SH3GLB2: variants seen among roughly 807,000 people sequenced by gnomAD.
The protein encoded by SH3GLB2 is SH3 domain containing GRB2 like, endophilin B2, also known as endophilin-B2.
A neutral mutation model predicts 48.0 loss-of-function variants in SH3GLB2; 24 were observed. The ratio of observed to expected loss-of-function variants is 0.50; its 90% CI spans 0.36 to 0.70. SH3GLB2 has a LOEUF of 0.70. Ranked by LOEUF, SH3GLB2 falls within the 30% of genes least tolerant of loss-of-function variation. The probability of loss-of-function intolerance (pLI) is 0.00; values close to 1 mark genes in which losing one functional copy is unlikely to be tolerated. For synonymous variants in SH3GLB2, 227 were observed against 207.6 expected, an observed-to-expected ratio of 1.09 and a Z score of -0.80; for missense variants, 425 against 516.0, an observed-to-expected ratio of 0.82 and a Z score of 1.71.
intron 5 of SH3GLB2, chr9:129,012,724 T>C: frequency 1.9e-6 from 1 of 532,572 alleles, no homozygotes; most frequent in South Asian, 2.8e-5. Context: ...ACCACATCTC[T>C]TGCTCCTGCA....
chr9:129,009,094 C>G lies in SH3GLB2; in HGVS notation c.1080+12G>C. On this transcript the variant is annotated intron_variant, in intron 10 of 10. Transcript: ENST00000372564. Reference sequence around the variant, plus strand: ...AGCCCATTCCTGCCCCACCTTGCGGCACCGGGCCCACCTCATCAGCCAGCA... The same window carrying G: ...AGCCCATTCCTGCCCCACCTTGCGGGACCGGGCCCACCTCATCAGCCAGCA... The G allele has an allele frequency of 6.2e-7, 1 of 1,606,138 alleles. No homozygotes were observed. The highest frequency in any genetic ancestry group is 1.3e-5 in the African/African-American group (1 of 75,062).
At chr9:129,021,796 TA>T in intron 2 of SH3GLB2, among the ~76,000 whole-genome samples, 1 of 151,830 alleles carries the variant, frequency 6.6e-6, no homozygotes, top group Non-Finnish European at 1.5e-5. Context: ...CCTTCTCTAC[TA>T]AAAATACAAA....
intron 3 of SH3GLB2, among the ~76,000 whole-genome samples, chr9:129,015,322 C>T (rs991397427): frequency 6.6e-6 from 1 of 152,080 alleles, no homozygotes; most frequent in Admixed American, 6.6e-5. Context: ...CATAGGGAGA[C>T]CTTATCTCTT....
intron 3 of SH3GLB2, among the ~76,000 whole-genome samples, chr9:129,017,098 C>G (rs1588322709): frequency 6.6e-6 from 1 of 151,852 alleles, no homozygotes; most frequent in Admixed American, 6.6e-5. Context: ...TAGGCGCGCA[C>G]CAGCATGCCC....
rs1843325303 is a variant in SH3GLB2 at position 129,014,734 on chromosome 9, T to C, written c.468+37A>G. The C allele has an allele frequency of 5.0e-6, 8 of 1,599,430 alleles. No homozygotes were observed. The highest frequency in any genetic ancestry group is 6.8e-6 in the Non-Finnish European group (8 of 1,173,568). On this transcript the variant is annotated intron_variant, in intron 4 of 10. Transcript: ENST00000372564. The surrounding 1 kb of genome is among the most constrained non-coding windows in gnomAD (Gnocchi z 4.1). Reference sequence around the variant, plus strand: ...AAAGGCTCTGAGGAGGGAACTGCCATGGTTACCAGGAAGCGGAATAGTCCC... The same window carrying C: ...AAAGGCTCTGAGGAGGGAACTGCCACGGTTACCAGGAAGCGGAATAGTCCC...
In SH3GLB2 at chr9:129,022,418, C is replaced by G; in HGVS notation, c.69G>C (p.Thr23=). ...GIFFTRAVQF[T]EEKFGQAEKT... ...TCTCAGCCTGGCCAAATTTCTCCTCCGTGAACTACGCAGAGGGGAAGGCCA... is the reference window on the plus strand; with the variant it reads ...TCTCAGCCTGGCCAAATTTCTCCTCGGTGAACTACGCAGAGGGGAAGGCCA... Residue 23 remains threonine, a synonymous_variant, in exon 2 of 11, where the codon ACG becomes ACC. Transcript: ENST00000372564. 3 of 1,608,368 alleles carry G rather than the reference C, an allele frequency of 1.9e-6. No homozygotes were observed. The highest frequency in any genetic ancestry group is 2.5e-6 in the Non-Finnish European group (3 of 1,177,026).
At position 129,011,992 on chromosome 9, in the gene SH3GLB2, C is replaced by T. The variant is rs555460623; in HGVS notation, c.624+244G>A. On this transcript the variant is annotated intron_variant, in intron 6 of 10. Coordinates refer to ENST00000372564, the MANE Select transcript of SH3GLB2 (RefSeq NM_020145.4). This position sits in a 1 kb window ranked among gnomAD's most constrained non-coding sequence, Gnocchi z 4.5. ...CACTACTCAGTGTGGCTGGCCCTGC[C>T]GCCAGCTCCAGCGTTTTGCAGAGGG... is the stretch of plus-strand genomic sequence containing the variant. 4.1e-5 allele frequency: 16 copies of T among 389,634 alleles called. No individual in the cohort carries two copies. In the South Asian group the frequency reaches 4.3e-4, roughly 10 times the overall value. 24.1% of individuals were successfully genotyped at this position (389,634 alleles called of 1,614,324 possible).
intron 6 of SH3GLB2, chr9:129,012,022 A>C (rs1005307325): frequency 3.8e-5 from 15 of 396,784 alleles, no homozygotes; most frequent in African/African-American, 2.9e-4. Context: ...AGAGGGAAAC[A>C]AGTCCAGCTC....
At chr9:129,027,486 T>A (rs1410768293) in intron 1 of SH3GLB2, among the ~76,000 whole-genome samples, 2 of 152,150 alleles carry the variant, frequency 1.3e-5, no homozygotes, top group Admixed American at 1.3e-4. Context: ...AATCTCAGCA[T>A]CGTGGGCCTG....
Position 129,022,262 on chromosome 9 carries a change from GCCCA to G in SH3GLB2, c.205+16_205+19del. ...GCCCCACGACTACATCCCTCCCCGG[GCCCA>G]CGAACACGCACTCACTGGGGTTGGG... On this transcript the variant is annotated intron_variant, in intron 2 of 10. Coordinates refer to ENST00000372564, the MANE Select transcript of SH3GLB2 (RefSeq NM_020145.4). 6.2e-7 allele frequency: 1 copy of G among 1,611,222 alleles called. No homozygotes were observed. The highest frequency in any genetic ancestry group is 1.7e-5 in the Admixed American group (1 of 59,944).
intron 5 of SH3GLB2, chr9:129,012,674 C>G: frequency 2.1e-6 from 1 of 484,526 alleles, no homozygotes; most frequent in Non-Finnish European, 3.7e-6. Flanking sequence ...ACACAGCCCA[C>G]CCCCAACTGG....
intron 2 of SH3GLB2, among the ~76,000 whole-genome samples, 158 bp from the exon 3 acceptor site, chr9:129,021,377 T>C (rs1030573159): frequency 1.3e-5 from 2 of 152,200 alleles, no homozygotes; most frequent in Admixed American, 1.3e-4. Flanking sequence ...CTGTTGTGAT[T>C]GACCCAGCAC....
chr9:129,010,788 C>T, intron 6 of SH3GLB2, 95 bp from the exon 7 acceptor site: 1 of 1,490,244 alleles, frequency 6.7e-7, no homozygotes, highest in Non-Finnish European at 9.2e-7. Context: ...CCAGACTCAA[C>T]TTCTGCCCCC....
rs1330528109 is a variant in SH3GLB2 at position 129,014,985 on chromosome 9, T to G, written c.335-81A>C. Reference sequence around the variant, plus strand: ...CTACAGGAGAGGGCTCAGGAAGAGCTTGCTGAAGAGCAAGGGCCGGGGTGC... The same window carrying G: ...CTACAGGAGAGGGCTCAGGAAGAGCGTGCTGAAGAGCAAGGGCCGGGGTGC... On this transcript the variant is annotated intron_variant, in intron 3 of 10. Coordinates refer to ENST00000372564, the MANE Select transcript of SH3GLB2 (RefSeq NM_020145.4). The surrounding 1 kb of genome is among the most constrained non-coding windows in gnomAD (Gnocchi z 4.1). 6.5e-7 allele frequency: 1 copy of G among 1,539,094 alleles called. No homozygotes were observed. Among genetic ancestry groups the G allele is most frequent in the East Asian group, 2.3e-5 (1 of 44,296 alleles).
intron 1 of SH3GLB2, among the ~76,000 whole-genome samples, chr9:129,026,073 G>A (rs999470574): frequency 1.3e-5 from 2 of 151,956 alleles, no homozygotes; most frequent in Non-Finnish European, 2.9e-5. Context: ...CTGCCACTTG[G>A]ACCAACATCA....
rs1564573682 is a variant in SH3GLB2 at position 129,009,093 on chromosome 9, G to A, written c.1080+13C>T. The A allele has an allele frequency of 6.2e-7, 1 of 1,605,992 alleles. No homozygotes were observed. ...CAGCCCATTCCTGCCCCACCTTGCG[G>A]CACCGGGCCCACCTCATCAGCCAGC... On this transcript the variant is annotated intron_variant, in intron 10 of 10. Coordinates refer to ENST00000372564, the MANE Select transcript of SH3GLB2 (RefSeq NM_020145.4).
At position 129,021,147 on chromosome 9, in the gene SH3GLB2, A is replaced by G. The variant is rs773547098; in HGVS notation, c.278T>C (p.Leu93Pro). ...CGCGTCTGCCATGTACTGAGCCAGC[A>G]GCTCCCCGTTGGTGACCCTTGAGGG... The part of the protein sequence containing the change: ...KVPSRVTNGE[L>P]LAQYMADAAS... Residue 93 changes from leucine to proline, a missense_variant, in exon 3 of 11, where the codon CTG becomes CCG. By Grantham distance (98) the Leu-to-Pro change is moderately conservative (BLOSUM62 -3). Transcript: ENST00000372564. The G allele has an allele frequency of 6.2e-7, 1 of 1,612,682 alleles. No individual in the cohort carries two copies.
chr9:129,028,205 C>G lies in SH3GLB2; in HGVS notation c.-51G>C, dbSNP rs1167257691. The G allele has an allele frequency of 9.5e-6, 11 of 1,162,398 alleles. No homozygotes were observed. The Admixed American group carries it at 1.4e-4, about 15-fold the overall frequency. 72.0% of individuals were successfully genotyped at this position (1,162,398 alleles called of 1,614,324 possible). On this transcript the variant is annotated 5_prime_UTR_variant, in exon 1 of 11. Coordinates refer to ENST00000372564, the MANE Select transcript of SH3GLB2 (RefSeq NM_020145.4). ...CGGCCCGAGCGCAGCCGGCAGCCCC[C>G]GGCCCAGCCGCCGCCGCCAACCGCA...
intron 9 of SH3GLB2, 146 bp from the exon 10 acceptor site, chr9:129,009,492 A>T: frequency 6.5e-7 from 1 of 1,548,826 alleles, no homozygotes. Flanking sequence ...GGAAAAGCAA[A>T]GCAAGGGAAG....
Sources: gnomAD v4.1 joint callset for allele counts (sites outside exome capture counted in the v4.1 genomes callset) on GRCh38, gnomAD v4.1.1 for gene constraint, Gnocchi (gnomAD v3.1) non-coding constraint, MANE v1.5 for transcripts, NCBI Gene and HGNC (gene_info 2026-07-23, HGNC 2026-07-21) for gene names.